HDAC4: variants seen among roughly 807,000 people sequenced by gnomAD.
HDAC4 encodes histone deacetylase A.
Under a neutral mutation model 135.1 loss-of-function variants are expected in HDAC4, and 16 were observed. That is an observed-to-expected ratio of 0.12 (90% CI 0.08 to 0.18). HDAC4 has a LOEUF of 0.18. Among genes scored for constraint, HDAC4 ranks in the 10% least tolerant of loss-of-function variants. The pLI, the probability that HDAC4 is intolerant of heterozygous loss-of-function variation, is 1.00. For missense variants in HDAC4, 1,143 were observed against 1,511.8 expected, an observed-to-expected ratio of 0.76 and a Z score of 4.05; for synonymous variants, 685 against 653.4, an observed-to-expected ratio of 1.05 and a Z score of -0.74.
chr2:239,290,718 A>G (rs2051430673), intron 2 of HDAC4, among the ~76,000 whole-genome samples: 1 of 151,874 alleles, frequency 6.6e-6, no homozygotes, highest in African/African-American at 2.4e-5. Flanking sequence ...ACACTCACAT[A>G]CGCACTCACG....
At chr2:239,180,768 T>C (rs1373822969) in intron 4 of HDAC4, among the ~76,000 whole-genome samples, 3 of 152,296 alleles carry the variant, frequency 2.0e-5, no homozygotes, top group Admixed American at 2.0e-4. Flanking sequence ...CTGCCCCCCA[T>C]GGCCCACCCC....
In HDAC4 at chr2:239,282,219, T is replaced by C. The variant is rs1431426776; in HGVS notation, c.23-45555A>G. Among the ~76,000 whole-genome samples the C allele has an allele frequency of 4.4e-4, 50 of 113,048 alleles. 1 individual carries two copies. The highest frequency in any genetic ancestry group is 8.6e-4 in the Admixed American group (10 of 11,668). The allele number at this position is 113,048 out of a possible 152,430, so 74.2% of individuals were successfully genotyped here. A position where few individuals can be genotyped will look rare whatever the true frequency, so the allele number is the denominator to read the frequency against. On this transcript the variant is annotated intron_variant, in intron 2 of 26. Coordinates refer to ENST00000543185, the MANE Select transcript of HDAC4 (RefSeq NM_001378414.1). ...CCACTCTACAATGTACACACCTCTC[T>C]ACACAATGTACACACCACTCTACAA...
intron 2 of HDAC4, among the ~76,000 whole-genome samples, chr2:239,251,826 G>A (rs2048800339): frequency 6.6e-6 from 1 of 151,932 alleles, no homozygotes; most frequent in Non-Finnish European, 1.5e-5. Context: ...AGCTTTTCTG[G>A]ATCCTCTAAG....
At chr2:239,386,111 A>G (rs2126081018) in intron 1 of HDAC4, among the ~76,000 whole-genome samples, 1 of 152,142 alleles carries the variant, frequency 6.6e-6, no homozygotes, top group South Asian at 2.1e-4. Flanking sequence ...GAGCCACAGG[A>G]TGCCAGGACC....
At chr2:239,108,617 C>G (rs1279900990) in intron 14 of HDAC4, among the ~76,000 whole-genome samples, 2 of 152,192 alleles carry the variant, frequency 1.3e-5, no homozygotes, top group South Asian at 2.1e-4. Flanking sequence ...CAAAGTCTGC[C>G]TGGTCCTGGA....
At chr2:239,144,518 C>T (rs1314472366) in intron 8 of HDAC4, 65 bp downstream of exon 8, 14 of 1,605,142 alleles carry the variant, frequency 8.7e-6, no homozygotes, top group East Asian at 6.7e-5. Flanking sequence ...TGAGAGAAAT[C>T]GCCTATGGCA....
At chr2:239,365,838 G>A (rs186459460) in intron 1 of HDAC4, among the ~76,000 whole-genome samples, 12 of 151,146 alleles carry the variant, frequency 7.9e-5, no homozygotes, top group Non-Finnish European at 8.8e-5. Context: ...ACGCAGACAC[G>A]CATGCACAGA....
At chr2:239,086,624 A>C (rs941537011) in intron 19 of HDAC4, among the ~76,000 whole-genome samples, 2 of 152,220 alleles carry the variant, frequency 1.3e-5, no homozygotes, top group Non-Finnish European at 2.9e-5. Context: ...CCCTCCGTGG[A>C]CGCCTGACTT....
intron 1 of HDAC4, among the ~76,000 whole-genome samples, chr2:239,388,552 T>C (rs1328580486): frequency 6.6e-6 from 1 of 152,154 alleles, no homozygotes; most frequent in Non-Finnish European, 1.5e-5. Context: ...GTGACCTGGG[T>C]GCCTGGCCCC....
At chr2:239,127,525 A>C (rs577291933) in intron 11 of HDAC4, among the ~76,000 whole-genome samples, 96 of 152,282 alleles carry the variant, frequency 6.3e-4, no homozygotes, top group African/African-American at 2.3e-3. Context: ...GATCTAACGA[A>C]CCCTCTGTCC....
intron 6 of HDAC4, 127 bp downstream of exon 6, chr2:239,163,676 G>T: frequency 1.0e-6 from 1 of 1,003,864 alleles, no homozygotes; most frequent in Non-Finnish European, 1.6e-6. Flanking sequence ...TGTGCTTGGG[G>T]TTTCAATTCC....
chr2:239,101,745 T>C (rs1166052411), intron 16 of HDAC4, among the ~76,000 whole-genome samples: 1 of 151,942 alleles, frequency 6.6e-6, no homozygotes, highest in Admixed American at 6.5e-5. Context: ...CCCAGGTCCG[T>C]GTTCTGTGCC....
chr2:239,152,820 G>A lies in HDAC4; in HGVS notation c.733+3832C>T, dbSNP rs919340337. Among the ~76,000 whole-genome samples the A allele has an allele frequency of 5.3e-5, 8 of 152,246 alleles. No individual in the cohort carries two copies. The South Asian group carries it at 1.7e-3, about 32-fold the overall frequency. On this transcript the variant is annotated intron_variant, in intron 7 of 26. Coordinates refer to ENST00000543185, the MANE Select transcript of HDAC4 (RefSeq NM_001378414.1). ...TCTGGCAGTTACCAGTCATTGGATG[G>A]AGAAAAAAATCAAAAACACCCTAAC...
intron 16 of HDAC4, among the ~76,000 whole-genome samples, chr2:239,098,677 T>C (rs533563149): frequency 4.9e-4 from 74 of 152,336 alleles, no homozygotes; most frequent in African/African-American, 1.7e-3. Flanking sequence ...GCACACGGCT[T>C]AGCGGCTTGT....
chr2:239,120,408 C>G (rs561992411), intron 12 of HDAC4, among the ~76,000 whole-genome samples: 51 of 145,092 alleles, frequency 3.5e-4, no homozygotes, highest in South Asian at 1.5e-3. Context: ...CACAGACACA[C>G]ACACACAGAC....
chr2:239,213,147 C>T (rs186196196), intron 3 of HDAC4, among the ~76,000 whole-genome samples: 4 of 150,594 alleles, frequency 2.7e-5, no homozygotes, highest in East Asian at 2.0e-4. Context: ...GAGACGGCCA[C>T]GATGCTGGAA....
At chr2:239,330,441 GGAA>G (rs1238496175) in intron 2 of HDAC4, among the ~76,000 whole-genome samples, 11 of 152,266 alleles carry the variant, frequency 7.2e-5, no homozygotes, top group African/African-American at 2.7e-4. Context: ...GAGGGCGACA[GGAA>G]GGAGTGTGGC....
chr2:239,104,662 C>T (rs2037961492), intron 15 of HDAC4, among the ~76,000 whole-genome samples: 2 of 152,226 alleles, frequency 1.3e-5, no homozygotes, highest in South Asian at 2.1e-4. Context: ...CCGTAGGGGA[C>T]CACAGGCTGT....
At chr2:239,392,933 G>A (rs1045944116) in intron 1 of HDAC4, among the ~76,000 whole-genome samples, 1 of 152,108 alleles carries the variant, frequency 6.6e-6, no homozygotes, top group Admixed American at 6.5e-5. Context: ...GTGCCAGCTC[G>A]GGTCCCCCAG....
Sources: gnomAD v4.1 joint callset for allele counts (sites outside exome capture counted in the v4.1 genomes callset) on GRCh38, gnomAD v4.1.1 for gene constraint, MANE v1.5 for transcripts, NCBI Gene and HGNC (gene_info 2026-07-23, HGNC 2026-07-21) for gene names.